Variants in NPHP4 observed in about 807,000 individuals in gnomAD.
The protein encoded by NPHP4 is nephrocystin-4.
In NPHP4, 151 loss-of-function variants were observed where a neutral mutation model predicts 155.8. That is an observed-to-expected ratio of 0.97 (90% CI 0.85 to 1.11). The LOEUF is 1.11. NPHP4 is among the 50% of genes least tolerant of loss of function. The pLI, the probability that NPHP4 is intolerant of heterozygous loss-of-function variation, is 0.00. For synonymous variants in NPHP4, 845 were observed against 816.8 expected (o/e 1.03, Z -0.59); for missense variants, 1,956 against 1,925.7 (o/e 1.02, Z -0.29).
chr1:5,873,925 C>A, intron 22 of NPHP4: 1 of 214,586 alleles, frequency 4.7e-6, no homozygotes, highest in East Asian at 1.6e-4. Flanking sequence ...TGCACGCGTG[C>A]CTCACACACA....
At chr1:5,964,941 A>ATATATATATATATATATATATATTTTTTT in intron 5 of NPHP4, among the ~76,000 whole-genome samples, 1 of 59,426 alleles carries the variant, frequency 1.7e-5, no homozygotes, top group Admixed American at 2.3e-4. Flanking sequence ...ATATATATAT[A>ATATATATATATATATATATATATTTTTTT]TTTTTTTTTT....
At chr1:5,967,490 C>G in intron 4 of NPHP4, 127 bp from the exon 5 acceptor site, 1 of 734,472 alleles carries the variant, frequency 1.4e-6, no homozygotes, top group East Asian at 2.7e-5. Context: ...CCATCCTCTG[C>G]GGAAGGCAGA....
rs1646368027 is a variant in NPHP4 at position 5,933,224 on chromosome 1, G to A, written c.1225C>T (p.Leu409=). ...EADSGRVTLP[L]QGGIQPNPSH... is the part of the protein sequence containing the mutation. ...GGGTTGGGCTGGATCCCACCCTGCA[G>A]AGGCAGGGTCACCCTTCCAGAATCA... Residue 409 remains leucine, a synonymous_variant, in exon 10 of 30, where the codon CTG becomes TTG. Coordinates refer to ENST00000378156, the MANE Select transcript of NPHP4 (RefSeq NM_015102.5). The A allele has an allele frequency of 6.2e-7, 1 of 1,613,556 alleles. No individual in the cohort carries two copies.
chr1:5,896,551 A>C (rs1032882978), intron 16 of NPHP4, among the ~76,000 whole-genome samples: 1 of 152,244 alleles, frequency 6.6e-6, no homozygotes, highest in South Asian at 2.1e-4. Flanking sequence ...AAGTAAATAC[A>C]TGATGAGAAA....
At chr1:5,972,844 G>A (rs1038917107) in intron 3 of NPHP4, among the ~76,000 whole-genome samples, 23 of 151,958 alleles carry the variant, frequency 1.5e-4, no homozygotes, top group Non-Finnish European at 2.8e-4. Flanking sequence ...CCCATCACCC[G>A]AGCAGTATCC....
chr1:5,928,320 A>C (rs889350270), intron 10 of NPHP4, among the ~76,000 whole-genome samples: 4 of 152,234 alleles, frequency 2.6e-5, no homozygotes, highest in African/African-American at 9.6e-5. Flanking sequence ...ATAATGTATA[A>C]CTTTTGAGAC....
At position 5,920,216 on chromosome 1, in the gene NPHP4, C is replaced by A. The variant is rs112194908; in HGVS notation, c.1441+7433G>T. Among the ~76,000 whole-genome samples the A allele has an allele frequency of 4.1e-3, 624 of 152,282 alleles. 5 individuals carry two copies. Among genetic ancestry groups the A allele is most frequent in the African/African-American group, 0.014 (590 of 41,558 alleles). ...AAAGTGCTGGGATTACAGGCATGAGCCACCGCGCCCGGCCTTAAGTTTTTT... is the reference window on the plus strand; with the variant it reads ...AAAGTGCTGGGATTACAGGCATGAGACACCGCGCCCGGCCTTAAGTTTTTT... On this transcript the variant is annotated intron_variant, in intron 11 of 29. Coordinates refer to ENST00000378156, the MANE Select transcript of NPHP4 (RefSeq NM_015102.5).
At chr1:5,975,150 G>A (rs1191746966) in intron 3 of NPHP4, among the ~76,000 whole-genome samples, 2 of 152,154 alleles carry the variant, frequency 1.3e-5, no homozygotes, top group Non-Finnish European at 2.9e-5. Context: ...GGGAGCACTC[G>A]GTGCTTCATC....
chr1:5,865,988 T>C (rs1236447738), intron 26 of NPHP4: 2 of 235,680 alleles, frequency 8.5e-6, no homozygotes, highest in Non-Finnish European at 1.7e-5. Flanking sequence ...GGGATGGGCA[T>C]TTCCACCACA....
intron 3 of NPHP4, among the ~76,000 whole-genome samples, chr1:5,977,879 AGGGAGG>A (rs1259751551): frequency 8.5e-3 from 1 of 118 alleles, no homozygotes; most frequent in South Asian, 0.25. Context: ...TGAAAGGGAA[AGGGAGG>A]GGGAGGGGAG....
At chr1:5,877,375 C>T in intron 19 of NPHP4, 77 bp from the exon 20 acceptor site, 1 of 1,239,190 alleles carries the variant, frequency 8.1e-7, no homozygotes, top group Non-Finnish European at 1.1e-6. Flanking sequence ...GGCAGGCCTC[C>T]CAGGACCACC....
intron 1 of NPHP4, among the ~76,000 whole-genome samples, chr1:5,991,771 G>A (rs1656352129): frequency 6.6e-6 from 1 of 152,020 alleles, no homozygotes; most frequent in African/African-American, 2.4e-5. Flanking sequence ...CGGAGCTGGA[G>A]CCGGGGGGCG....
chr1:5,979,229 T>C (rs557885656), intron 2 of NPHP4, among the ~76,000 whole-genome samples: 1 of 152,300 alleles, frequency 6.6e-6, no homozygotes, highest in Non-Finnish European at 1.5e-5. Context: ...GCGCATTGAC[T>C]CTCTGCCAGG....
intron 16 of NPHP4, among the ~76,000 whole-genome samples, chr1:5,903,920 C>T (rs1164545114): frequency 2.0e-5 from 3 of 152,116 alleles, no homozygotes; most frequent in Non-Finnish European, 4.4e-5. Context: ...CAGGAGGTGG[C>T]GCAAACGTCA....
chr1:5,939,470 G>A (rs965093062), intron 9 of NPHP4, among the ~76,000 whole-genome samples: 40 of 152,328 alleles, frequency 2.6e-4, no homozygotes, highest in Middle Eastern at 3.4e-3. Flanking sequence ...GCAGGGCCTG[G>A]GTTGGGCAGG....
intron 6 of NPHP4, among the ~76,000 whole-genome samples, chr1:5,957,505 A>G (rs1439074031): frequency 6.6e-6 from 1 of 152,238 alleles, no homozygotes; most frequent in African/African-American, 2.4e-5. Flanking sequence ...CTCAAAAACA[A>G]GACCGCTGCA....
intron 2 of NPHP4, among the ~76,000 whole-genome samples, chr1:5,978,626 G>A (rs745430634): frequency 4.6e-5 from 7 of 152,134 alleles, no homozygotes; most frequent in Admixed American, 3.9e-4. Context: ...AAAGACTGCA[G>A]TCCCTTGGAA....
intron 10 of NPHP4, among the ~76,000 whole-genome samples, chr1:5,928,935 A>C (rs1646145922): frequency 6.6e-6 from 1 of 152,204 alleles, no homozygotes; most frequent in Non-Finnish European, 1.5e-5. Context: ...CCAATTATTT[A>C]GGTCTTCTTT....
intron 23 of NPHP4, among the ~76,000 whole-genome samples, chr1:5,870,018 T>C (rs1253478043): frequency 6.6e-6 from 1 of 152,256 alleles, no homozygotes; most frequent in Non-Finnish European, 1.5e-5. Context: ...TGTATGTATC[T>C]GCACCCACAG....
Sources: allele counts gnomAD v4.1 joint callset (sites outside exome capture counted in the v4.1 genomes callset), GRCh38; gene constraint gnomAD v4.1.1; transcripts MANE v1.5; gene names NCBI Gene and HGNC (gene_info 2026-07-23, HGNC 2026-07-21).